The following ST6GAL1 variants were observed in gnomAD, a reference collection of about 807,000 sequenced individuals.
The protein encoded by ST6GAL1 is ST6 beta-galactoside alpha-2,6-sialyltransferase 1.
In ST6GAL1, 20 loss-of-function variants were observed where a neutral mutation model predicts 38.0. The observed-to-expected ratio is 0.53, with a 90% CI of 0.37 to 0.77. ST6GAL1 has a LOEUF of 0.77. Among genes scored for constraint, ST6GAL1 ranks in the 30% least tolerant of loss-of-function variants. The probability of loss-of-function intolerance (pLI) is 0.00; values close to 1 mark genes in which losing one functional copy is unlikely to be tolerated. For synonymous variants in ST6GAL1, 196 were observed against 188.2 expected (o/e 1.04, Z -0.34); for missense variants, 432 against 496.4 (o/e 0.87, Z 1.23).
chr3:187,030,632 C>T (rs1456055489), intron 2 of ST6GAL1, among the ~76,000 whole-genome samples: 1 of 152,100 alleles, frequency 6.6e-6, no homozygotes, highest in Non-Finnish European at 1.5e-5. Context: ...TGAGGTTTCA[C>T]CGTGTTGGCT....
Position 187,052,956 on chromosome 3 carries a change from T to G in ST6GAL1, c.705+1610T>G, listed in dbSNP as rs575618417. ...CTGTTTCTCCACATCCTCTCCAGCA[T>G]CTGTTGTTTCCTGACTTTTTAATGA... On this transcript the variant is annotated intron_variant, in intron 5 of 7. Coordinates refer to ENST00000169298, the MANE Select transcript of ST6GAL1 (RefSeq NM_173216.2). 3.9e-5 allele frequency among the ~76,000 whole-genome samples: 6 copies of G among 152,274 alleles called. No individual in the cohort carries two copies. The South Asian group carries it at 1.2e-3, about 32-fold the overall frequency.
intron 5 of ST6GAL1, among the ~76,000 whole-genome samples, chr3:187,063,919 T>A (rs542056743): frequency 1.1e-4 from 17 of 152,276 alleles, no homozygotes; most frequent in Admixed American, 2.0e-4. Flanking sequence ...GGTTTTTTTT[T>A]AGGATCAAAG....
chr3:186,985,789 AAAAAAG>A (rs1035504769), intron 2 of ST6GAL1, among the ~76,000 whole-genome samples: 3 of 143,776 alleles, frequency 2.1e-5, no homozygotes, highest in African/African-American at 7.7e-5. Flanking sequence ...AAAAAAAAAG[AAAAAAG>A]AAAAAGAAAA....
intron 4 of ST6GAL1, among the ~76,000 whole-genome samples, chr3:187,050,010 C>G (rs531594029): frequency 6.6e-6 from 1 of 152,248 alleles, no homozygotes; most frequent in Admixed American, 6.5e-5. Context: ...GAAATTTTGC[C>G]CTAGGATTGA....
rs1377325274 is a variant in ST6GAL1 at position 187,043,494 on chromosome 3, G to A, written c.607+184G>A. ...TGAACAGATGGCGCTCTAGGCCCCC[G>A]CATCTTTTATCAATTAGAAGAGCTT... On this transcript the variant is annotated intron_variant, in intron 4 of 7. Coordinates refer to ENST00000169298, the MANE Select transcript of ST6GAL1 (RefSeq NM_173216.2). Among the ~76,000 whole-genome samples, 7 of 152,064 alleles carry A rather than the reference G, an allele frequency of 4.6e-5. No homozygotes were observed. In the South Asian group the frequency reaches 6.2e-4, roughly 14 times the overall value.
intron 2 of ST6GAL1, among the ~76,000 whole-genome samples, chr3:186,969,016 C>G (rs966450138): frequency 1.3e-5 from 2 of 149,100 alleles, no homozygotes; most frequent in African/African-American, 4.9e-5. Context: ...TATGATCTAT[C>G]TTTTTCTTTT....
chr3:186,974,729 G>GGT (rs1171104990), intron 2 of ST6GAL1, among the ~76,000 whole-genome samples: 1 of 151,440 alleles, frequency 6.6e-6, no homozygotes, highest in Non-Finnish European at 1.5e-5. Flanking sequence ...GCCTGGTTGG[G>GGT]GGGGGGGCGC....
intron 1 of ST6GAL1, among the ~76,000 whole-genome samples, chr3:186,956,745 T>A (rs753210330): frequency 1.3e-5 from 2 of 152,192 alleles, no homozygotes; most frequent in African/African-American, 4.8e-5. Flanking sequence ...TCCCGTAAGA[T>A]CCACCAGTTC....
At chr3:186,932,887 C>T (rs903461358) in intron 1 of ST6GAL1, among the ~76,000 whole-genome samples, 6 of 152,198 alleles carry the variant, frequency 3.9e-5, no homozygotes, top group Admixed American at 6.5e-5. Flanking sequence ...TTGCACTGTG[C>T]CTGTTATCTC....
intron 5 of ST6GAL1, among the ~76,000 whole-genome samples, chr3:187,071,142 G>A (rs1285019836): frequency 6.6e-6 from 1 of 152,172 alleles, no homozygotes; most frequent in Non-Finnish European, 1.5e-5. Context: ...CCTTGGCGAT[G>A]TAGACTGAGG....
At chr3:187,022,204 G>A (rs1717339128) in intron 2 of ST6GAL1, among the ~76,000 whole-genome samples, 1 of 152,246 alleles carries the variant, frequency 6.6e-6, no homozygotes, top group South Asian at 2.1e-4. Context: ...GATAGTGTTG[G>A]AACTGAATTA....
At chr3:186,941,963 GATC>G (rs1340673887) in intron 1 of ST6GAL1, among the ~76,000 whole-genome samples, 32 of 151,258 alleles carry the variant, frequency 2.1e-4, no homozygotes, top group Non-Finnish European at 2.9e-5. Flanking sequence ...AGTGAGCCGA[GATC>G]ATGCCACTGC....
intron 5 of ST6GAL1, among the ~76,000 whole-genome samples, chr3:187,057,612 C>G (rs1365961735): frequency 6.6e-6 from 1 of 152,136 alleles, no homozygotes; most frequent in African/African-American, 2.4e-5. Context: ...CTGGGTATCA[C>G]CAGCAGAGGC....
At chr3:187,031,504 C>T (rs957050631) in intron 2 of ST6GAL1, among the ~76,000 whole-genome samples, 3 of 150,144 alleles carry the variant, frequency 2.0e-5, no homozygotes, top group Admixed American at 1.3e-4. Flanking sequence ...GGTGTGATCT[C>T]GGCTCACTGC....
chr3:187,035,004 T>C (rs573242107), intron 2 of ST6GAL1, among the ~76,000 whole-genome samples: 7 of 152,260 alleles, frequency 4.6e-5, no homozygotes, highest in African/African-American at 1.7e-4. Context: ...TAGAAAACTA[T>C]AAAGACACTG....
intron 2 of ST6GAL1, among the ~76,000 whole-genome samples, chr3:186,977,149 G>A (rs1008555816): frequency 2.0e-5 from 3 of 152,218 alleles, no homozygotes; most frequent in African/African-American, 4.8e-5. Context: ...ACTTCTTTCT[G>A]TCTGCTTCCG....
chr3:187,009,968 G>A (rs1247387651), intron 2 of ST6GAL1, among the ~76,000 whole-genome samples: 1 of 152,112 alleles, frequency 6.6e-6, no homozygotes, highest in Non-Finnish European at 1.5e-5. Flanking sequence ...TCACGCCACT[G>A]CACTCCAGCC....
At chr3:187,022,718 T>C (rs550669767) in intron 2 of ST6GAL1, among the ~76,000 whole-genome samples, 9 of 152,202 alleles carry the variant, frequency 5.9e-5, no homozygotes, top group Non-Finnish European at 1.3e-4. Flanking sequence ...CCAAAGGCTG[T>C]CTGGCAGCCT....
At chr3:187,065,191 G>A (rs1480486369) in intron 5 of ST6GAL1, among the ~76,000 whole-genome samples, 1 of 151,928 alleles carries the variant, frequency 6.6e-6, no homozygotes, top group African/African-American at 2.4e-5. Flanking sequence ...GTAGAGACAG[G>A]GTTTTGCCAT....
Sources: gnomAD v4.1 joint callset for allele counts (sites outside exome capture counted in the v4.1 genomes callset) on GRCh38, gnomAD v4.1.1 for gene constraint, MANE v1.5 for transcripts, NCBI Gene and HGNC (gene_info 2026-07-23, HGNC 2026-07-21) for gene names.